Variants in CCDC191 observed in about 807,000 individuals in gnomAD.
The protein encoded by CCDC191 is coiled-coil domain containing 191.
CCDC191 carries 99 observed loss-of-function variants against 114.0 expected under a neutral mutation model. The observed-to-expected ratio is 0.87, with a 90% CI of 0.74 to 1.03. The LOEUF (loss-of-function observed/expected upper bound fraction) is 1.03. Among genes scored for constraint, CCDC191 ranks in the 50% least tolerant of loss-of-function variants. CCDC191 has a pLI of 0.00. For synonymous variants in CCDC191, 351 were observed against 376.0 expected, an observed-to-expected ratio of 0.93 and a Z score of 0.77; for missense variants, 973 against 1,087.0, an observed-to-expected ratio of 0.90 and a Z score of 1.47.
intron 1 of CCDC191, among the ~76,000 whole-genome samples, chr3:114,054,891 A>G (rs1383775722): frequency 1.1e-4 from 17 of 152,094 alleles, no homozygotes; most frequent in Admixed American, 1.1e-3. Context: ...CTAAAAATTC[A>G]GGTGTGTTTT....
chr3:114,015,214 C>T (rs1046859629), intron 8 of CCDC191, among the ~76,000 whole-genome samples: 1 of 151,740 alleles, frequency 6.6e-6, no homozygotes, highest in Middle Eastern at 3.2e-3. Flanking sequence ...TAACAAAGAA[C>T]GAAGGGCTTG....
intron 4 of CCDC191, among the ~76,000 whole-genome samples, chr3:114,040,019 C>T (rs961087087): frequency 6.6e-6 from 1 of 152,252 alleles, no homozygotes; most frequent in Non-Finnish European, 1.5e-5. Flanking sequence ...CCCAGAGCAG[C>T]TTCCTGCCCT....
At chr3:113,968,372 C>G (rs1188225522) in intron 16 of CCDC191, among the ~76,000 whole-genome samples, 1 of 152,118 alleles carries the variant, frequency 6.6e-6, no homozygotes, top group African/African-American at 2.4e-5. Flanking sequence ...TTGGATTTCT[C>G]TGATAATTAG....
At chr3:114,054,955 G>T (rs1051307533) in intron 1 of CCDC191, among the ~76,000 whole-genome samples, 1 of 151,760 alleles carries the variant, frequency 6.6e-6, no homozygotes, top group African/African-American at 2.4e-5. Context: ...ATCTCTTTTG[G>T]TTTGGCGTTC....
chr3:114,017,430 T>C (rs1405174119), intron 8 of CCDC191, among the ~76,000 whole-genome samples: 1 of 152,206 alleles, frequency 6.6e-6, no homozygotes, highest in African/African-American at 2.4e-5. Flanking sequence ...CCTCAACACC[T>C]GTACAGTCTC....
intron 7 of CCDC191, among the ~76,000 whole-genome samples, chr3:114,019,641 A>G (rs912580398): frequency 6.6e-6 from 1 of 152,162 alleles, no homozygotes; most frequent in African/African-American, 2.4e-5. Flanking sequence ...GACACCAACC[A>G]TGCCATTTCA....
At chr3:114,053,556 C>A in intron 2 of CCDC191, 41 bp downstream of exon 2, 1 of 1,255,800 alleles carries the variant, frequency 8.0e-7, no homozygotes, top group Non-Finnish European at 1.1e-6. Flanking sequence ...TTATGCTTGA[C>A]TCTTAATACT....
chr3:114,024,258 T>G (rs2076286286), intron 7 of CCDC191, among the ~76,000 whole-genome samples: 1 of 152,190 alleles, frequency 6.6e-6, no homozygotes, highest in South Asian at 2.1e-4. Flanking sequence ...GGTGGGACTG[T>G]AAACTAGTTC....
intron 9 of CCDC191, among the ~76,000 whole-genome samples, chr3:114,006,554 C>T (rs1182961381): frequency 2.1e-5 from 3 of 140,774 alleles, no homozygotes; most frequent in African/African-American, 8.1e-5. Context: ...CTAATTTGGA[C>T]AGTTCATTTG....
rs755315773 is a variant in CCDC191, at chr3:114,031,701, A to G, written c.897T>C (p.Asp299=). The G allele has an allele frequency of 4.9e-5, 78 of 1,579,936 alleles. No individual in the cohort carries two copies. The highest frequency in any genetic ancestry group is 6.4e-5 in the Non-Finnish European group (74 of 1,149,468). ...TTCTTTCCTTCACCATTTTTTCCTC[A>G]TCTGGAAGAATGTGAGTACTTTGAA... The part of the protein sequence containing the change: ...VMFQSTHILP[D]EEKMVKERKR... The change falls in exon 7 of 17, where the codon GAT becomes GAC. Residue 299 remains aspartate, a synonymous_variant. Transcript: ENST00000295878.
Position 114,018,676 on chromosome 3 carries a change from A to C in CCDC191, c.1163+2T>G. 1 of 1,605,652 alleles carries C rather than the reference A, an allele frequency of 6.2e-7. No individual in the cohort carries two copies. On this transcript the variant is annotated splice_donor_variant, in intron 8 of 16. Transcript: ENST00000295878. LOFTEE classifies it high-confidence loss of function. ...AGATTTTCACAATACAAATAATGAT[A>C]CCTGTTTTCTTCCCTAAGATCATTT...
intron 13 of CCDC191, among the ~76,000 whole-genome samples, chr3:113,993,637 C>T (rs1164693524): frequency 6.6e-6 from 1 of 152,060 alleles, no homozygotes; most frequent in Admixed American, 6.5e-5. Context: ...CCCAATACTG[C>T]ACTTTGGCAG....
At chr3:113,970,590 T>A (rs1940699254) in intron 16 of CCDC191, among the ~76,000 whole-genome samples, 1 of 152,196 alleles carries the variant, frequency 6.6e-6, no homozygotes, top group Admixed American at 6.5e-5. Flanking sequence ...TATTATACTT[T>A]AAGTTTTAGG....
intron 13 of CCDC191, among the ~76,000 whole-genome samples, chr3:113,999,573 T>C (rs2075811595): frequency 6.6e-6 from 1 of 152,172 alleles, no homozygotes; most frequent in Admixed American, 6.5e-5. Flanking sequence ...GCTGTGACTT[T>C]AGGAATGAAG....
At chr3:114,051,864 G>T (rs894511977) in intron 2 of CCDC191, among the ~76,000 whole-genome samples, 2 of 152,182 alleles carry the variant, frequency 1.3e-5, no homozygotes, top group Non-Finnish European at 2.9e-5. Context: ...GGAAGTATTA[G>T]AAGCAGCAGG....
chr3:114,034,969 C>T lies in CCDC191; in HGVS notation c.774G>A (p.Arg258=), dbSNP rs763194115. The T allele has an allele frequency of 6.2e-7, 1 of 1,614,058 alleles. No homozygotes were observed. Among genetic ancestry groups the T allele is most frequent in the South Asian group, 1.1e-5 (1 of 91,070 alleles). Residue 258 remains arginine, a synonymous_variant, in exon 6 of 17, where the codon AGG becomes AGA. Transcript: ENST00000295878. ...EIQREMVKLR[R]EIIERRRTVK... is the part of the protein sequence containing the mutation. The stretch of plus-strand genomic sequence containing the variant: ...CAGTGCGTCTCCTCTCAATTATCTC[C>T]CTCCGCAGCTTCACCATCTCCCTTT...
intron 4 of CCDC191, chr3:114,039,396 G>A (rs2076531214): frequency 6.6e-6 from 1 of 152,160 alleles, no homozygotes; most frequent in South Asian, 2.1e-4. Context: ...TGTAGTTTCA[G>A]CTACTAGGGA....
At chr3:114,001,465 G>C in intron 13 of CCDC191, 130 bp downstream of exon 13, 2 of 1,299,628 alleles carry the variant, frequency 1.5e-6, no homozygotes, top group Non-Finnish European at 2.1e-6. Flanking sequence ...AAGTAAGATA[G>C]AGAAAAGAAG....
At position 113,965,341 on chromosome 3, in the gene CCDC191, G is replaced by T. The variant is rs112136393; in HGVS notation, c.2625C>A (p.Thr875=). The T allele has an allele frequency of 4.4e-6, 7 of 1,588,926 alleles. No individual in the cohort carries two copies. Among genetic ancestry groups the T allele is most frequent in the African/African-American group, 1.4e-5 (1 of 73,466 alleles). Residue 875 remains threonine (T), a synonymous_variant, in exon 17 of 17, where the codon ACC becomes ACA. Transcript: ENST00000295878. ...TTACAAACTTCTTCCATGTCCGAAGGGTGATCCAGAGGATCCTCCTTTAAG... is the reference window on the plus strand; with the variant it reads ...TTACAAACTTCTTCCATGTCCGAAGTGTGATCCAGAGGATCCTCCTTTAAG... The part of the protein sequence containing the change: ...EHSDRRILWI[T]LRTWKKFVKF...
Sources: allele counts gnomAD v4.1 joint callset (sites outside exome capture counted in the v4.1 genomes callset), GRCh38; gene constraint gnomAD v4.1.1; transcripts MANE v1.5; gene names NCBI Gene and HGNC (gene_info 2026-07-23, HGNC 2026-07-21).